The following NOLC1 variants were observed in gnomAD, a reference collection of about 807,000 sequenced individuals.
The protein encoded by NOLC1 is 140 kDa nucleolar phosphoprotein.
In NOLC1, 37 loss-of-function variants were observed where a neutral mutation model predicts 73.4. The ratio of observed to expected loss-of-function variants is 0.50; its 90% CI spans 0.39 to 0.66. The LOEUF is 0.66. Among genes scored for constraint, NOLC1 ranks in the 30% least tolerant of loss-of-function variants. NOLC1 has a pLI of 0.00. For missense variants in NOLC1, 921 were observed against 838.9 expected (o/e 1.10, Z -1.21); for synonymous variants, 327 against 302.6 (o/e 1.08, Z -0.84).
At position 102,160,476 on chromosome 10, in the gene NOLC1, A is replaced by T; in HGVS notation, c.1124A>T (p.Glu375Val). 6.2e-7 allele frequency: 1 copy of T among 1,613,934 alleles called. No homozygotes were observed. The highest frequency in any genetic ancestry group is 8.5e-7 in the Non-Finnish European group (1 of 1,179,906). ...GACTCTGACAGCTCTGAGGATGATG[A>T]AGCTCCTTCTAAGCCAGCTGGTACC... ...SSDSDSSEDDEAPSKPAGTTK... is the reference protein window; with the variant it reads ...SSDSDSSEDDVAPSKPAGTTK... The change falls in exon 10 of 13, where the codon GAA (glutamate) becomes GTA (valine). Residue 375 changes from glutamate (E) to valine (V), a missense_variant. Glu to Val is a moderately radical substitution (Grantham distance 121). Coordinates refer to ENST00000605788, the MANE Select transcript of NOLC1 (RefSeq NM_004741.5).
chr10:102,161,254 TAG>T (rs956350494), intron 10 of NOLC1, among the ~76,000 whole-genome samples, 161 bp downstream of exon 10: 4 of 151,676 alleles, frequency 2.6e-5, no homozygotes, highest in African/African-American at 9.7e-5. Flanking sequence ...TTTTTTTTAT[TAG>T]AGTCTCACTG....
At position 102,163,003 on chromosome 10, in the gene NOLC1, C is replaced by T. The variant is rs1385246050; in HGVS notation, c.*734C>T. ...CATTACACGATGTTTGCAATACGTG[C>T]TTTGTTTTTTAATTTGAAAGCAAAC... On this transcript the variant is annotated 3_prime_UTR_variant, in exon 13 of 13. Coordinates refer to ENST00000605788, the MANE Select transcript of NOLC1 (RefSeq NM_004741.5). 2.0e-5 allele frequency: 3 copies of T among 152,136 alleles called. No homozygotes were observed. In the South Asian group the frequency reaches 6.2e-4, roughly 32 times the overall value. 9.4% of individuals were successfully genotyped at this position (152,136 alleles called of 1,614,324 possible).
rs778241359 is a variant in NOLC1, at chr10:102,161,856, A to AT, written c.1874dup (p.Arg626ProfsTer9). On this transcript the variant is annotated frameshift_variant, in exon 12 of 13. Transcript: ENST00000605788. LOFTEE classifies it high-confidence loss of function. ...AGGGAGAAAAAAGGGCATCATCCCC[A>AT]TTCCGAAGGGTCAGGGAGGAGGAAA... 1 of 1,614,166 alleles carries AT rather than the reference A, an allele frequency of 6.2e-7. No homozygotes were observed. Among genetic ancestry groups the AT allele is most frequent in the Non-Finnish European group, 8.5e-7 (1 of 1,180,012 alleles).
Position 102,158,121 on chromosome 10 carries a change from G to T in NOLC1, c.514G>T (p.Asp172Tyr). Residue 172 changes from aspartate (D) to tyrosine (Y), a missense_variant, in exon 5 of 13, where the codon GAC becomes TAC. Coordinates refer to ENST00000605788, the MANE Select transcript of NOLC1 (RefSeq NM_004741.5). The stretch of plus-strand genomic sequence containing the variant: ...GGCCAAGAGCTCTGATTCTGATTCT[G>T]ACTCAAGCTCCGAGGATGAGCCACC... ...KKAKSSDSDS[D>Y]SSSEDEPPKN... 1 of 1,614,122 alleles carries T rather than the reference G, an allele frequency of 6.2e-7. No homozygotes were observed. Among genetic ancestry groups the T allele is most frequent in the Non-Finnish European group, 8.5e-7 (1 of 1,180,006 alleles).
chr10:102,159,865 C>G (rs375793229), intron 7 of NOLC1, 31 bp from the exon 8 acceptor site: 5 of 1,500,652 alleles, frequency 3.3e-6, no homozygotes, highest in Non-Finnish European at 4.4e-6. Context: ...TAGACATATC[C>G]TAAAACCATC....
intron 5 of NOLC1, 38 bp downstream of exon 5, chr10:102,158,252 A>G: frequency 6.2e-7 from 1 of 1,602,272 alleles, no homozygotes; most frequent in Non-Finnish European, 8.5e-7. Context: ...GCTGGGGACC[A>G]GATTGCTCTG....
In NOLC1 at chr10:102,160,626, C is replaced by G. The variant is rs562825770; in HGVS notation, c.1274C>G (p.Ser425Cys). The change falls in exon 10 of 13, where the codon TCC becomes TGC. Residue 425 changes from serine (S) to cysteine (C), a missense_variant. By Grantham distance (112) the Ser-to-Cys change is moderately radical. Transcript: ENST00000605788. ...KLLTRKADSS[S>C]SEEESSSSEE... ...CTGACGAGAAAGGCTGACAGCAGCT[C>G]CAGTGAGGAAGAGAGCAGCTCCAGT... 6.2e-7 allele frequency: 1 copy of G among 1,614,118 alleles called. No individual in the cohort carries two copies. The highest frequency in any genetic ancestry group is 2.2e-5 in the East Asian group (1 of 44,886).
At chr10:102,162,005 G>T (rs559262367) in intron 12 of NOLC1, 80 bp downstream of exon 12, 1 of 1,602,550 alleles carries the variant, frequency 6.2e-7, no homozygotes, top group East Asian at 2.2e-5. Flanking sequence ...AGGTTGGTGG[G>T]AATCTTCTCT....
chr10:102,155,389 AAAAAG>A (rs2069578802), intron 1 of NOLC1, among the ~76,000 whole-genome samples: 2 of 151,934 alleles, frequency 1.3e-5, no homozygotes, highest in Admixed American at 6.6e-5. Flanking sequence ...TCAAAAAAAA[AAAAAG>A]AGAGAGAGAG....
chr10:102,156,956 A>G (rs1266251823), intron 1 of NOLC1, 63 bp from the exon 2 acceptor site: 1 of 1,485,518 alleles, frequency 6.7e-7, no homozygotes, highest in East Asian at 2.3e-5. Context: ...GTAACAGGCC[A>G]CATTTAATGA....
At chr10:102,156,911 A>T in intron 1 of NOLC1, 108 bp from the exon 2 acceptor site, 1 of 1,036,538 alleles carries the variant, frequency 9.6e-7, no homozygotes, top group African/African-American at 1.6e-5. Context: ...TTTTATGAAG[A>T]TGTAACATTT....
Position 102,158,132 on chromosome 10 carries a change from C to T in NOLC1, c.525C>T (p.Ser175=), listed in dbSNP as rs776357572. ...CTGATTCTGATTCTGACTCAAGCTC[C>T]GAGGATGAGCCACCAAAGAACCAGA... ...KSSDSDSDSS[S]EDEPPKNQKP... Residue 175 remains serine, a synonymous_variant, in exon 5 of 13, where the codon TCC becomes TCT. Coordinates refer to ENST00000605788, the MANE Select transcript of NOLC1 (RefSeq NM_004741.5). 9.3e-6 allele frequency: 15 copies of T among 1,614,064 alleles called. No homozygotes were observed. Among genetic ancestry groups the T allele is most frequent in the South Asian group, 7.7e-5 (7 of 91,074 alleles).
rs1193186944 is a variant in NOLC1, at chr10:102,152,459, C to T, written c.49C>T (p.Leu17Phe). ...RRVVPSDLYP[L>F]VLGFLRDNQL... ...CGTGGTTCCCAGCGACCTGTATCCC[C>T]TCGTGCTCGGCTTCCTGCGCGATAA... Residue 17 changes from leucine to phenylalanine, a missense_variant, in exon 1 of 13, where the codon CTC (leucine) becomes TTC (phenylalanine). By Grantham distance (22) the Leu-to-Phe change is conservative (BLOSUM62 0). Transcript: ENST00000605788. The T allele has an allele frequency of 3.1e-6, 5 of 1,613,464 alleles. No homozygotes were observed. The highest frequency in any genetic ancestry group is 1.7e-5 in the Admixed American group (1 of 60,030).
intron 1 of NOLC1, among the ~76,000 whole-genome samples, 192 bp from the exon 2 acceptor site, chr10:102,156,827 C>T (rs2069604040): frequency 6.6e-6 from 1 of 152,046 alleles, no homozygotes; most frequent in African/African-American, 2.4e-5. Context: ...ATAGGAGTAG[C>T]CCGTTTTTTA....
In NOLC1 at chr10:102,160,663, G is replaced by C. The variant is rs773303753; in HGVS notation, c.1311G>C (p.Lys437Asn). The part of the protein sequence containing the change: ...EEESSSSEEE[K>N]TKKMVATTKP... ...AGAGCAGCTCCAGTGAGGAGGAGAA[G>C]ACAAAGAAGATGGTGGCCACCACTA... The change falls in exon 10 of 13, where the codon AAG (lysine) becomes AAC (asparagine). Residue 437 changes from lysine to asparagine, a missense_variant. Lys to Asn is a moderately conservative substitution (Grantham distance 94). Coordinates refer to ENST00000605788, the MANE Select transcript of NOLC1 (RefSeq NM_004741.5). The C allele has an allele frequency of 2.5e-6, 4 of 1,614,096 alleles. No homozygotes were observed. The highest frequency in any genetic ancestry group is 3.4e-6 in the Non-Finnish European group (4 of 1,180,010).
chr10:102,162,279 A>G lies in NOLC1; in HGVS notation c.*10A>G, dbSNP rs1286809115. ...GTTTGACAGCGAGTGACCTGAGGCC[A>G]TCTTCGGTGAAGCAAGGGTGATGAT... On this transcript the variant is annotated 3_prime_UTR_variant, in exon 13 of 13. Coordinates refer to ENST00000605788, the MANE Select transcript of NOLC1 (RefSeq NM_004741.5). 2 of 1,612,680 alleles carry G rather than the reference A, an allele frequency of 1.2e-6. No individual in the cohort carries two copies. The highest frequency in any genetic ancestry group is 1.1e-5 in the South Asian group (1 of 90,976).
At chr10:102,153,251 G>T (rs1468513234) in intron 1 of NOLC1, among the ~76,000 whole-genome samples, 3 of 152,350 alleles carry the variant, frequency 2.0e-5, no homozygotes, top group Admixed American at 6.5e-5. Context: ...GTAAGATGAT[G>T]TGTAAGAGTA....
In NOLC1 at chr10:102,161,020, T is replaced by A; in HGVS notation, c.1668T>A (p.Asn556Lys). Reference sequence around the variant, plus strand: ...GCACCTCTGCACTGACTGCCCAGAATGGAAAAGCAGCTAAGAACAGTGAGG... The same window carrying A: ...GCACCTCTGCACTGACTGCCCAGAAAGGAAAAGCAGCTAAGAACAGTGAGG... ...ANGTSALTAQ[N>K]GKAAKNSEEE... The change falls in exon 10 of 13, where the codon AAT becomes AAA. Residue 556 changes from asparagine (N) to lysine (K), a missense_variant. Coordinates refer to ENST00000605788, the MANE Select transcript of NOLC1 (RefSeq NM_004741.5). The A allele has an allele frequency of 6.2e-7, 1 of 1,613,680 alleles. No homozygotes were observed.
chr10:102,155,022 A>ATTTTTTTTTTTTTTTTTTT, intron 1 of NOLC1, among the ~76,000 whole-genome samples: 1 of 131,236 alleles, frequency 7.6e-6, no homozygotes, highest in African/African-American at 2.8e-5. Context: ...CACCTGGCTA[A>ATTTTTTTTTTTTTTTTTTT]TTTTTTTTTT....
Sources: gnomAD v4.1 joint callset for allele counts (sites outside exome capture counted in the v4.1 genomes callset) on GRCh38, gnomAD v4.1.1 for gene constraint, MANE v1.5 for transcripts, NCBI Gene and HGNC (gene_info 2026-07-23, HGNC 2026-07-21) for gene names.